Variants in SNPH observed in about 807,000 individuals in gnomAD.
The protein encoded by SNPH is syntaphilin.
In SNPH, 10 loss-of-function variants were observed where a neutral mutation model predicts 36.8. The observed-to-expected ratio is 0.27, with a 90% CI of 0.17 to 0.46. The LOEUF is 0.46. Ranked by LOEUF, SNPH falls within the 20% of genes least tolerant of loss-of-function variation. The probability of loss-of-function intolerance (pLI) is 1.00; values close to 1 mark genes in which losing one functional copy is unlikely to be tolerated. For missense variants in SNPH, 622 were observed against 744.0 expected (o/e 0.84, Z 1.91); for synonymous variants, 281 against 312.2 (o/e 0.90, Z 1.05).
At chr20:1,289,512 T>TACATAC (rs1405969000) in intron 2 of SNPH, among the ~76,000 whole-genome samples, 2 of 137,648 alleles carry the variant, frequency 1.5e-5, no homozygotes, top group African/African-American at 5.6e-5. Context: ...TTCATTTAAA[T>TACATAC]ACACACACAC....
At chr20:1,275,929 A>G (rs576737703) in intron 2 of SNPH, among the ~76,000 whole-genome samples, 1 of 152,044 alleles carries the variant, frequency 6.6e-6, no homozygotes, top group African/African-American at 2.4e-5. Context: ...TCTTCCTACT[A>G]CTACTGCTAT....
intron 2 of SNPH, among the ~76,000 whole-genome samples, chr20:1,271,771 C>CCT: frequency 6.6e-6 from 1 of 152,220 alleles, no homozygotes; most frequent in South Asian, 2.1e-4. Flanking sequence ...TCAAAAGCCA[C>CCT]CTCTTCAAAA....
chr20:1,277,871 GTC>G (rs1568540005), intron 2 of SNPH, among the ~76,000 whole-genome samples: 1 of 112,794 alleles, frequency 8.9e-6, no homozygotes, highest in Non-Finnish European at 1.7e-5. Flanking sequence ...GTGCCTGTGT[GTC>G]TGTCTGTGCC....
Position 1,306,152 on chromosome 20 carries a change from A to T in SNPH, c.*98A>T, listed in dbSNP as rs561592656. ...CCCATGGGCATCATCTTATTTATTT[A>T]GTTTTGGGTGTGGAACTGTTTCTTT... On this transcript the variant is annotated 3_prime_UTR_variant, in exon 7 of 7. Transcript: ENST00000381867. 3.8e-6 allele frequency: 4 copies of T among 1,045,034 alleles called. No homozygotes were observed. Among genetic ancestry groups the T allele is most frequent in the Admixed American group, 3.5e-5 (1 of 28,522 alleles). The allele number at this position is 1,045,034 out of a possible 1,614,324, so 64.7% of individuals were successfully genotyped here. A position where few individuals can be genotyped will look rare whatever the true frequency, so the allele number is the denominator to read the frequency against.
Position 1,277,971 on chromosome 20 carries a change from GTATC to G in SNPH, c.-493+11213_-493+11216del, listed in dbSNP as rs1397363301. Among the ~76,000 whole-genome samples the G allele has an allele frequency of 1.1e-4, 17 of 149,800 alleles. 1 individual carries two copies. The highest frequency in any genetic ancestry group is 1.1e-3 in the Admixed American group (17 of 14,998). On this transcript the variant is annotated intron_variant, in intron 2 of 6. Coordinates refer to ENST00000381867, the MANE Select transcript of SNPH (RefSeq NM_001318234.2). ...TGTGTCTGTGCCTGTATGTCTGTGT[GTATC>G]TGTGTGTGTGGCGTGTCTGTGTGTC...
At chr20:1,288,695 G>T (rs1057431252) in intron 2 of SNPH, among the ~76,000 whole-genome samples, 1 of 149,718 alleles carries the variant, frequency 6.7e-6, no homozygotes, top group Non-Finnish European at 1.5e-5. Flanking sequence ...GATCTCGGCT[G>T]ACTACAACCT....
Position 1,276,448 on chromosome 20 carries a change from C to G in SNPH, c.-493+9688C>G, listed in dbSNP as rs2088133074. On this transcript the variant is annotated intron_variant, in intron 2 of 6. Coordinates refer to ENST00000381867, the MANE Select transcript of SNPH (RefSeq NM_001318234.2). The surrounding 1 kb of genome is among the most constrained non-coding windows in gnomAD (Gnocchi z 4.6). ...GATACACTTGGACTGCTGTCTCCGT[C>G]TCTGCCGTGGACTGACTTTGTGACT... Among the ~76,000 whole-genome samples the G allele has an allele frequency of 6.6e-6, 1 of 152,206 alleles. No homozygotes were observed. The highest frequency in any genetic ancestry group is 2.4e-5 in the African/African-American group (1 of 41,458).
chr20:1,274,764 A>G (rs1333291224), intron 2 of SNPH, among the ~76,000 whole-genome samples: 2 of 152,172 alleles, frequency 1.3e-5, no homozygotes, highest in Non-Finnish European at 1.5e-5. Flanking sequence ...CCCTTCAGCA[A>G]AGGGCAGCTC....
intron 6 of SNPH, among the ~76,000 whole-genome samples, chr20:1,303,348 C>G (rs1256081261): frequency 6.6e-6 from 1 of 152,244 alleles, no homozygotes; most frequent in African/African-American, 2.4e-5. Context: ...GCCATGGCTC[C>G]CTGGGGTTTG....
At chr20:1,301,478 G>A (rs1001432717) in intron 6 of SNPH, among the ~76,000 whole-genome samples, 3 of 151,626 alleles carry the variant, frequency 2.0e-5, no homozygotes, top group Admixed American at 6.6e-5. Context: ...GAGCAGGCAC[G>A]ATGATCGCTC....
At chr20:1,275,284 C>T (rs542761075) in intron 2 of SNPH, among the ~76,000 whole-genome samples, 7 of 152,200 alleles carry the variant, frequency 4.6e-5, no homozygotes, top group African/African-American at 1.4e-4. Context: ...TGAGAGGAGA[C>T]GGGATGATCT....
intron 5 of SNPH, among the ~76,000 whole-genome samples, chr20:1,298,840 GTGTGTA>G (rs994260724): frequency 2.4e-5 from 3 of 125,616 alleles, no homozygotes; most frequent in Non-Finnish European, 5.2e-5. Context: ...GTGTGTGTGT[GTGTGTA>G]TACATATTTT....
At position 1,297,258 on chromosome 20, in the gene SNPH, T is replaced by C. The variant is rs778512552; in HGVS notation, c.290+6T>C. On this transcript the variant is annotated splice_donor_region_variant and intron_variant, in intron 5 of 6. Transcript: ENST00000381867. ...GACAGCAGTCCCACGCCAAGGTAATTGGCCCCTCCTCTCTGGGCCTGGCCC... is the reference window on the plus strand; with the variant it reads ...GACAGCAGTCCCACGCCAAGGTAATCGGCCCCTCCTCTCTGGGCCTGGCCC... 1.2e-5 allele frequency: 20 copies of C among 1,612,416 alleles called. No individual in the cohort carries two copies. Among genetic ancestry groups the C allele is most frequent in the Admixed American group, 6.7e-5 (4 of 59,888 alleles).
Position 1,293,754 on chromosome 20 carries a change from G to A in SNPH, c.-492-1197G>A, listed in dbSNP as rs540726602. Among the ~76,000 whole-genome samples the A allele has an allele frequency of 3.9e-5, 6 of 152,300 alleles. No individual in the cohort carries two copies. In the East Asian group the frequency reaches 1.2e-3, roughly 29 times the overall value. On this transcript the variant is annotated intron_variant, in intron 2 of 6. Coordinates refer to ENST00000381867, the MANE Select transcript of SNPH (RefSeq NM_001318234.2). ...CCCAGGAGACTGTTAGCTATACGCA[G>A]GTACAAGTGCCACCCCCTTCCCTCC...
intron 5 of SNPH, among the ~76,000 whole-genome samples, chr20:1,298,627 G>A (rs1293022048): frequency 6.6e-6 from 1 of 152,144 alleles, no homozygotes; most frequent in Non-Finnish European, 1.5e-5. Flanking sequence ...GCCCATGGAG[G>A]TGATCCCAAC....
At chr20:1,299,368 G>A (rs1375419966) in intron 5 of SNPH, among the ~76,000 whole-genome samples, 1 of 152,214 alleles carries the variant, frequency 6.6e-6, no homozygotes, top group Non-Finnish European at 1.5e-5. Flanking sequence ...AACAAGGCCT[G>A]AGTCTCTAGT....
At chr20:1,297,516 G>C (rs1379262848) in intron 5 of SNPH, among the ~76,000 whole-genome samples, 2 of 152,166 alleles carry the variant, frequency 1.3e-5, no homozygotes, top group African/African-American at 4.8e-5. Context: ...AGGAGCCAGG[G>C]GTCAGCAGCT....
chr20:1,273,642 C>T (rs1280033109), intron 2 of SNPH, among the ~76,000 whole-genome samples: 1 of 152,080 alleles, frequency 6.6e-6, no homozygotes, highest in Non-Finnish European at 1.5e-5. Context: ...CCTCATAGCA[C>T]CTGTTTTAGA....
chr20:1,277,747 CTGTG>C (rs748590263), intron 2 of SNPH, among the ~76,000 whole-genome samples: 66 of 99,616 alleles, frequency 6.6e-4, no homozygotes, highest in Middle Eastern at 0.01. Flanking sequence ...TGTCGTGTGT[CTGTG>C]TGTGTGTGTG....
Sources: gnomAD v4.1 joint callset for allele counts (sites outside exome capture counted in the v4.1 genomes callset) on GRCh38, gnomAD v4.1.1 for gene constraint, Gnocchi (gnomAD v3.1) non-coding constraint, MANE v1.5 for transcripts, NCBI Gene and HGNC (gene_info 2026-07-23, HGNC 2026-07-21) for gene names.